Variants in TJP2 observed in about 807,000 individuals in gnomAD.
TJP2 encodes Friedreich ataxia region gene X104 (tight junction protein ZO-2).
In TJP2, 91 loss-of-function variants were observed where a neutral mutation model predicts 133.1. The observed-to-expected ratio is 0.68, with a 90% CI of 0.58 to 0.81. The LOEUF is 0.81. TJP2 is among the 40% of genes least tolerant of loss of function. The pLI, the probability that TJP2 is intolerant of heterozygous loss-of-function variation, is 0.00. For synonymous variants in TJP2, 592 were observed against 583.4 expected (o/e 1.01, Z -0.21); for missense variants, 1,541 against 1,565.6 (o/e 0.98, Z 0.26).
intron 17 of TJP2, among the ~76,000 whole-genome samples, chr9:69,242,278 A>G (rs529833860): frequency 6.6e-6 from 1 of 152,318 alleles, no homozygotes; most frequent in East Asian, 1.9e-4. Context: ...AGGGGTTAGC[A>G]ACACCTCTGT....
intron 1 of TJP2, among the ~76,000 whole-genome samples, chr9:69,129,389 T>C (rs1822389382): frequency 1.3e-5 from 2 of 151,478 alleles, no homozygotes; most frequent in Non-Finnish European, 2.9e-5. Flanking sequence ...GCGTGTGCTG[T>C]CCTTCCAGCT....
rs1828541918 is a variant in TJP2 at position 69,218,267 on chromosome 9, A to G, written c.250A>G (p.Arg84Gly). The change falls in exon 4 of 23, where the codon AGA becomes GGA. Residue 84 changes from arginine to glycine, a missense_variant. Coordinates refer to ENST00000377245, the MANE Select transcript of TJP2 (RefSeq NM_004817.4). ...ATTTCTTGTTTACAGAGAAAATGAC[A>G]GAGTGGTCATGGTCAATGGCACCCC... is the stretch of plus-strand genomic sequence containing the variant. ...PADGLLQEND[R>G]VVMVNGTPME... 1 of 1,613,712 alleles carries G rather than the reference A, an allele frequency of 6.2e-7. No homozygotes were observed. Among genetic ancestry groups the G allele is most frequent in the African/African-American group, 1.3e-5 (1 of 75,062 alleles).
intron 1 of TJP2, among the ~76,000 whole-genome samples, chr9:69,209,622 C>T (rs375568497): frequency 0.021 from 3,251 of 151,508 alleles, 44 homozygotes; most frequent in South Asian, 0.069. Flanking sequence ...GGTGTGGTGG[C>T]GCATGCCTGT....
intron 1 of TJP2, among the ~76,000 whole-genome samples, chr9:69,174,952 T>C (rs1824968613): frequency 6.7e-6 from 1 of 149,658 alleles, no homozygotes; most frequent in African/African-American, 2.5e-5. Context: ...GGGATGGAGG[T>C]TTGGAAGGAC....
intron 1 of TJP2, among the ~76,000 whole-genome samples, chr9:69,142,491 C>A (rs1490181188): frequency 3.9e-5 from 6 of 152,058 alleles, no homozygotes; most frequent in African/African-American, 1.2e-4. Flanking sequence ...ATGCTTTTTT[C>A]AGTAGAGCTA....
chr9:69,146,939 A>G (rs962279157), intron 1 of TJP2, among the ~76,000 whole-genome samples: 1 of 152,236 alleles, frequency 6.6e-6, no homozygotes, highest in South Asian at 2.1e-4. Flanking sequence ...TTAGAAAAAA[A>G]TAAATATTTC....
chr9:69,220,543 G>A (rs1017359336), intron 4 of TJP2, among the ~76,000 whole-genome samples: 2 of 152,150 alleles, frequency 1.3e-5, no homozygotes, highest in African/African-American at 4.8e-5. Flanking sequence ...TGCCCCCTTG[G>A]CAGCTATGTA....
At chr9:69,237,238 G>T (rs760977002) in intron 14 of TJP2, 102 bp downstream of exon 14, 1,108 of 1,392,784 alleles carry the variant, frequency 8.0e-4, no homozygotes, top group Non-Finnish European at 9.1e-4. Flanking sequence ...ATGTATGTCA[G>T]TTATGCCAAA....
At chr9:69,220,287 G>A (rs967707168) in intron 4 of TJP2, among the ~76,000 whole-genome samples, 4 of 152,168 alleles carry the variant, frequency 2.6e-5, no homozygotes, top group Admixed American at 6.5e-5. Flanking sequence ...GATTGGGCAC[G>A]TTCAGGATGG....
intron 1 of TJP2, among the ~76,000 whole-genome samples, chr9:69,201,924 C>A (rs1009819438): frequency 6.6e-6 from 1 of 152,070 alleles, no homozygotes; most frequent in Non-Finnish European, 1.5e-5. Context: ...TTCATAGAAT[C>A]ACAAAACAGA....
intron 1 of TJP2, among the ~76,000 whole-genome samples, chr9:69,188,741 G>T (rs904504927): frequency 6.6e-6 from 1 of 152,110 alleles, no homozygotes; most frequent in African/African-American, 2.4e-5. Flanking sequence ...TATACAGCTA[G>T]CTAAAACCAC....
At chr9:69,243,278 A>G (rs1251536578) in intron 17 of TJP2, among the ~76,000 whole-genome samples, 1 of 152,254 alleles carries the variant, frequency 6.6e-6, no homozygotes, top group Non-Finnish European at 1.5e-5. Context: ...TTTATGTTGC[A>G]TTAGTCTCTT....
At chr9:69,239,007 G>A (rs1830396100) in intron 16 of TJP2, among the ~76,000 whole-genome samples, 1 of 151,552 alleles carries the variant, frequency 6.6e-6, no homozygotes, top group South Asian at 2.1e-4. Flanking sequence ...GGCCAACATG[G>A]TGAAACCCTG....
chr9:69,253,143 C>A, intron 22 of TJP2: 1 of 552,374 alleles, frequency 1.8e-6, no homozygotes, highest in South Asian at 2.1e-5. Context: ...CCAGCCAGTA[C>A]ATTTGACACA....
At chr9:69,170,609 CAAG>C (rs560149934), upstream of TJP2, among the ~76,000 whole-genome samples, 7 of 152,298 alleles carry the variant, frequency 4.6e-5, no homozygotes, top group East Asian at 1.3e-3. Flanking sequence ...AAGCTCTGGC[CAAG>C]ATAAGCAGTG....
chr9:69,173,099 CTTGTT>C (rs1824779349), upstream of TJP2, among the ~76,000 whole-genome samples: 1 of 152,156 alleles, frequency 6.6e-6, no homozygotes. Context: ...AACTTCTAGA[CTTGTT>C]TTGATCAGGC....
At position 69,152,536 on chromosome 9, in the gene TJP2, G is replaced by A. The variant is rs151216248; in HGVS notation, c.-10+765G>A. ...AGTGTGAATGGCACACTCCAGAAGAGCAGATAGTCGTTCAGATCCTAGTCC... is the reference window on the plus strand; with the variant it reads ...AGTGTGAATGGCACACTCCAGAAGAACAGATAGTCGTTCAGATCCTAGTCC... On this transcript the variant is annotated intron_variant, in intron 2 of 5. Coordinates refer to the TJP2 transcript ENST00000423935. 2.6e-4 allele frequency among the ~76,000 whole-genome samples: 40 copies of A among 152,274 alleles called. No homozygotes were observed. The East Asian group carries it at 7.5e-3, about 29-fold the overall frequency.
rs147833236 is a variant in TJP2, at chr9:69,190,199, A to G, written c.60+15767A>G. On this transcript the variant is annotated intron_variant, in intron 1 of 22. Coordinates refer to ENST00000377245, the MANE Select transcript of TJP2 (RefSeq NM_004817.4). ...CCTCACTGTCTTTTTCTGAGGGTAC[A>G]TAAATAAATTGCATCCTAGCTTGAG... is the stretch of plus-strand genomic sequence containing the variant. Among the ~76,000 whole-genome samples, 243 of 152,368 alleles carry G rather than the reference A, an allele frequency of 1.6e-3. 1 individual carries two copies. Among genetic ancestry groups the G allele is most frequent in the Non-Finnish European group, 2.9e-3 (200 of 68,038 alleles).
chr9:69,152,306 A>C (rs1337674863), intron 2 of TJP2, among the ~76,000 whole-genome samples: 2 of 152,164 alleles, frequency 1.3e-5, no homozygotes, highest in Admixed American at 1.3e-4. Flanking sequence ...GAATCAAATG[A>C]GATTTACAAG....
Sources: allele counts gnomAD v4.1 joint callset (sites outside exome capture counted in the v4.1 genomes callset), GRCh38; gene constraint gnomAD v4.1.1; transcripts MANE v1.5; gene names NCBI Gene and HGNC (gene_info 2026-07-23, HGNC 2026-07-21).